The following DOK6 variants were observed in gnomAD, a reference collection of about 807,000 sequenced individuals.
The protein encoded by DOK6 is docking protein 6.
In DOK6, 22 loss-of-function variants were observed where a neutral mutation model predicts 44.0. The ratio of observed to expected loss-of-function variants is 0.50; its 90% CI spans 0.36 to 0.71. The LOEUF is 0.71. Among genes scored for constraint, DOK6 ranks in the 30% least tolerant of loss-of-function variants. The pLI is 0.00. For synonymous variants in DOK6, 166 were observed against 145.5 expected (o/e 1.14, Z -1.01); for missense variants, 340 against 416.4 (o/e 0.82, Z 1.60).
At chr18:69,665,449 T>G (rs1985631984) in intron 3 of DOK6, among the ~76,000 whole-genome samples, 1 of 152,190 alleles carries the variant, frequency 6.6e-6, no homozygotes, top group South Asian at 2.1e-4. Context: ...TACCTAATTA[T>G]AGGCACCTAA....
chr18:69,805,637 G>A (rs571968058), intron 7 of DOK6, among the ~76,000 whole-genome samples: 110 of 152,064 alleles, frequency 7.2e-4, no homozygotes, highest in Middle Eastern at 3.4e-3. Context: ...ATGAATATGT[G>A]GGGAAACAAA....
intron 6 of DOK6, among the ~76,000 whole-genome samples, chr18:69,741,905 TA>T (rs977065494): frequency 1.1e-4 from 16 of 152,168 alleles, no homozygotes; most frequent in Non-Finnish European, 1.8e-4. Flanking sequence ...GAAAGTTGGA[TA>T]AAAAAACTCA....
intron 5 of DOK6, among the ~76,000 whole-genome samples, chr18:69,729,292 C>T (rs1978334092): frequency 1.3e-5 from 2 of 152,164 alleles, no homozygotes; most frequent in South Asian, 4.2e-4. Flanking sequence ...TTTGTTATTT[C>T]ATTTTTTTCT....
At chr18:69,520,882 G>GCT (rs1981666301) in intron 1 of DOK6, among the ~76,000 whole-genome samples, 1 of 151,700 alleles carries the variant, frequency 6.6e-6, no homozygotes, top group Admixed American at 6.6e-5. Context: ...AATATTCTAG[G>GCT]CTCTACCTAA....
At chr18:69,821,579 A>C (rs565279825) in intron 7 of DOK6, among the ~76,000 whole-genome samples, 219 of 152,228 alleles carry the variant, frequency 1.4e-3, no homozygotes, top group African/African-American at 5.0e-3. Flanking sequence ...GGGGCAGCAA[A>C]TCTTTGAGAA....
chr18:69,607,819 C>G (rs1477115017), intron 3 of DOK6, among the ~76,000 whole-genome samples: 3 of 152,102 alleles, frequency 2.0e-5, no homozygotes, highest in African/African-American at 7.2e-5. Flanking sequence ...AATCAAACAG[C>G]TCTCCTACAG....
intron 3 of DOK6, among the ~76,000 whole-genome samples, chr18:69,620,293 T>G (rs149561942): frequency 6.6e-6 from 1 of 152,344 alleles, no homozygotes; most frequent in African/African-American, 2.4e-5. Context: ...TTCCTCCAGA[T>G]TGTATTTGTG....
At chr18:69,579,364 A>T (rs1983310476) in intron 2 of DOK6, among the ~76,000 whole-genome samples, 1 of 152,328 alleles carries the variant, frequency 6.6e-6, no homozygotes, top group South Asian at 2.1e-4. Context: ...GATATCAAGT[A>T]TACTATAATA....
intron 7 of DOK6, among the ~76,000 whole-genome samples, chr18:69,835,307 CAA>C (rs574731963): frequency 6.6e-6 from 1 of 151,616 alleles, no homozygotes; most frequent in South Asian, 2.1e-4. Context: ...TTTAAAAATA[CAA>C]AAAAAATTAG....
chr18:69,498,284 T>C (rs1344781307), intron 1 of DOK6, among the ~76,000 whole-genome samples: 1 of 152,124 alleles, frequency 6.6e-6, no homozygotes, highest in Non-Finnish European at 1.5e-5. Flanking sequence ...AGTTTGTAAA[T>C]TTTTAACTTA....
chr18:69,770,050 T>C (rs928171386), intron 7 of DOK6, among the ~76,000 whole-genome samples: 3 of 152,176 alleles, frequency 2.0e-5, no homozygotes, highest in Non-Finnish European at 2.9e-5. Flanking sequence ...ATCACAAATA[T>C]AATTTCATGT....
intron 3 of DOK6, among the ~76,000 whole-genome samples, chr18:69,671,251 A>T (rs2144680333): frequency 6.6e-6 from 1 of 152,328 alleles, no homozygotes; most frequent in East Asian, 1.9e-4. Flanking sequence ...CCATGTTTGA[A>T]AGCCTAATCT....
At chr18:69,659,850 TTA>T (rs10604661) in intron 3 of DOK6, 17,367 of 53,220 alleles carry the variant, frequency 0.33, 5,049 homozygotes, top group East Asian at 0.77. Context: ...TATATGTATG[TTA>T]TATATATATA....
intron 1 of DOK6, among the ~76,000 whole-genome samples, chr18:69,544,049 G>A (rs187436943): frequency 1.3e-5 from 2 of 150,738 alleles, no homozygotes. Flanking sequence ...AGGAGGTCAG[G>A]AGTTTGAGAC....
chr18:69,402,778 CGA>C (rs1210099735), intron 1 of DOK6, among the ~76,000 whole-genome samples: 1 of 152,210 alleles, frequency 6.6e-6, no homozygotes, highest in African/African-American at 2.4e-5. Flanking sequence ...CCCACCAAGG[CGA>C]GAGAGAGCAG....
At chr18:69,567,279 C>T (rs1338272759) in intron 2 of DOK6, among the ~76,000 whole-genome samples, 3 of 151,966 alleles carry the variant, frequency 2.0e-5, no homozygotes, top group African/African-American at 7.3e-5. Context: ...TTCTTGATAA[C>T]ATAAAACAAT....
intron 1 of DOK6, among the ~76,000 whole-genome samples, chr18:69,407,966 TA>T (rs1978292071): frequency 6.6e-6 from 1 of 152,214 alleles, no homozygotes; most frequent in Admixed American, 6.6e-5. Context: ...TGTAAAGACT[TA>T]TCACACATAT....
At chr18:69,529,491 A>C (rs1981925901) in intron 1 of DOK6, among the ~76,000 whole-genome samples, 1 of 152,202 alleles carries the variant, frequency 6.6e-6, no homozygotes, top group South Asian at 2.1e-4. Context: ...TATTTAGTGC[A>C]CTGTGCCATC....
intron 5 of DOK6, among the ~76,000 whole-genome samples, chr18:69,704,231 C>A (rs558765392): frequency 2.0e-5 from 3 of 152,158 alleles, no homozygotes; most frequent in African/African-American, 7.2e-5. Flanking sequence ...GCCTCCACAG[C>A]CCCCCCACCC....
Sources: gnomAD v4.1 joint callset for allele counts (sites outside exome capture counted in the v4.1 genomes callset) on GRCh38, gnomAD v4.1.1 for gene constraint, MANE v1.5 for transcripts, NCBI Gene and HGNC (gene_info 2026-07-23, HGNC 2026-07-21) for gene names.